Variants in MYT1 observed in about 807,000 individuals in gnomAD.
MYT1 encodes myelin transcription factor 1.
A neutral mutation model predicts 123.0 loss-of-function variants in MYT1; 23 were observed. That is an observed-to-expected ratio of 0.19 (90% confidence interval 0.13 to 0.26). The LOEUF (loss-of-function observed/expected upper bound fraction) is 0.26. Among genes scored for constraint, MYT1 ranks in the 10% least tolerant of loss-of-function variants. The pLI is 1.00. For missense variants in MYT1, 1,125 were observed against 1,472.5 expected (o/e 0.76, Z 3.86); for synonymous variants, 518 against 575.3 (o/e 0.90, Z 1.43).
intron 1 of MYT1, among the ~76,000 whole-genome samples, chr20:64,181,306 C>G (rs1982646008): frequency 6.6e-6 from 1 of 151,926 alleles, no homozygotes; most frequent in Non-Finnish European, 1.5e-5. Context: ...ATTTAACTTA[C>G]ACTTTTCCTT....
Position 64,212,142 on chromosome 20 carries a change from C to T in MYT1, c.1517+4C>T. On this transcript the variant is annotated splice_donor_region_variant and intron_variant, in intron 9 of 22. Coordinates refer to ENST00000328439, the MANE Select transcript of MYT1 (RefSeq NM_004535.3). The surrounding 1 kb of genome is among the most constrained non-coding windows in gnomAD (Gnocchi z 6.8). ...GCAACCGCAACACGCACAGAAGGTA[C>T]TTGGACTGAGCTGGGCCGTAGTGGG... 1 of 1,598,386 alleles carries T rather than the reference C, an allele frequency of 6.3e-7. No homozygotes were observed. Among genetic ancestry groups the T allele is most frequent in the Non-Finnish European group, 8.5e-7 (1 of 1,171,352 alleles).
At position 64,203,694 on chromosome 20, in the gene MYT1, C is replaced by T. The variant is rs1402608868; in HGVS notation, c.87-1341C>T. Among the ~76,000 whole-genome samples the T allele has an allele frequency of 1.3e-5, 2 of 152,242 alleles. No individual in the cohort carries two copies. Among genetic ancestry groups the T allele is most frequent in the Admixed American group, 1.3e-4 (2 of 15,286 alleles). ...CAGGGGATAGGGTAAGGCCTGGATT[C>T]TGCTGACGGTTCTCCCAGAGGTAGT... On this transcript the variant is annotated intron_variant, in intron 4 of 22. Coordinates refer to ENST00000328439, the MANE Select transcript of MYT1 (RefSeq NM_004535.3). The surrounding 1 kb of genome is among the most constrained non-coding windows in gnomAD (Gnocchi z 5.1).
Position 64,213,502 on chromosome 20 carries a change from G to A in MYT1, c.1518-32G>A, listed in dbSNP as rs370500014. 66 of 1,566,566 alleles carry A rather than the reference G, an allele frequency of 4.2e-5. No homozygotes were observed. In the African/African-American group the frequency reaches 6.6e-4, roughly 16 times the overall value. On this transcript the variant is annotated intron_variant, in intron 9 of 22. Transcript: ENST00000328439. The surrounding 1 kb of genome is among the most constrained non-coding windows in gnomAD (Gnocchi z 5.6). ...AGGACAGGACAGGCATGGAGGGGAA[G>A]GCTCAGAAACCCCTCCTCTTCCTTC...
intron 19 of MYT1, among the ~76,000 whole-genome samples, chr20:64,235,576 T>G (rs1449152785): frequency 1.4e-4 from 16 of 110,522 alleles, no homozygotes; most frequent in Admixed American, 2.6e-4. Flanking sequence ...GGTCATGGTG[T>G]GTGACCCGGG....
chr20:64,228,162 A>G (rs1346156604), intron 18 of MYT1, 191 bp downstream of exon 18: 2 of 607,188 alleles, frequency 3.3e-6, no homozygotes, highest in Non-Finnish European at 5.7e-6. Flanking sequence ...ACCTGTGAAG[A>G]TAGGAGCCCT....
At chr20:64,165,201 A>AC (rs1200742611) in intron 1 of MYT1, among the ~76,000 whole-genome samples, 3 of 151,360 alleles carry the variant, frequency 2.0e-5, no homozygotes, top group African/African-American at 7.3e-5. Context: ...GTCATGTGTG[A>AC]CCCCCACCCA....
In MYT1 at chr20:64,223,126, C is replaced by T; in HGVS notation, c.2412C>T (p.Gly804=). Residue 804 remains glycine (G), a synonymous_variant, in exon 15 of 23, where the codon GGC becomes GGT. Coordinates refer to ENST00000328439, the MANE Select transcript of MYT1 (RefSeq NM_004535.3). The part of the protein sequence containing the change: ...KKELLTCPTP[G]CDGSGHITGN... ...CTTTGTCCAGCTGTCCCACCCCTGG[C>T]TGTGACGGCAGCGGCCACATCACCG... The T allele has an allele frequency of 6.2e-7, 1 of 1,614,224 alleles. No individual in the cohort carries two copies. The highest frequency in any genetic ancestry group is 8.5e-7 in the Non-Finnish European group (1 of 1,180,036).
Position 64,213,709 on chromosome 20 carries a change from C to A in MYT1, c.1631+62C>A. The A allele has an allele frequency of 1.5e-6, 2 of 1,333,148 alleles. No individual in the cohort carries two copies. Among genetic ancestry groups the A allele is most frequent in the Non-Finnish European group, 2.1e-6 (2 of 932,510 alleles). 82.6% of individuals were successfully genotyped at this position (1,333,148 alleles called of 1,614,324 possible). On this transcript the variant is annotated intron_variant, in intron 10 of 22. Transcript: ENST00000328439. This position sits in a 1 kb window ranked among gnomAD's most constrained non-coding sequence, Gnocchi z 5.6. The stretch of plus-strand genomic sequence containing the variant: ...TCCCAAATGCCTGCAGAGGGCTTCT[C>A]AGTCTCCCGCAGGCTGTATGTGCAT...
intron 1 of MYT1, among the ~76,000 whole-genome samples, chr20:64,176,363 T>C (rs1485317080): frequency 1.4e-5 from 2 of 147,124 alleles, no homozygotes; most frequent in African/African-American, 5.2e-5. Context: ...TGTAGTTGTG[T>C]CCATTTCCCC....
At chr20:64,223,647 C>A (rs779989582) in intron 16 of MYT1, among the ~76,000 whole-genome samples, 20 of 152,124 alleles carry the variant, frequency 1.3e-4, no homozygotes, top group Non-Finnish European at 2.6e-4. Flanking sequence ...CACCCTCCAG[C>A]CTCTCCTGAA....
rs766732552 is a variant in MYT1, at chr20:64,205,069, G to C, written c.121G>C (p.Val41Leu). The part of the protein sequence containing the change: ...PTPGCTGSGH[V>L]RGKYSRHRSL... The stretch of plus-strand genomic sequence containing the variant: ...CCCAGGATGCACAGGCTCAGGGCAC[G>C]TCCGGGGCAAGTACTCCAGGCACCG... The change falls in exon 5 of 23, where the codon GTC (valine) becomes CTC (leucine). Residue 41 changes from valine (V) to leucine (L), a missense_variant. Coordinates refer to ENST00000328439, the MANE Select transcript of MYT1 (RefSeq NM_004535.3). The C allele has an allele frequency of 1.9e-6, 3 of 1,614,046 alleles. No individual in the cohort carries two copies. In the South Asian group the frequency reaches 3.3e-5, roughly 18 times the overall value.
chr20:64,220,687 C>G (rs985158720), intron 13 of MYT1, among the ~76,000 whole-genome samples: 17 of 152,232 alleles, frequency 1.1e-4, no homozygotes, highest in Admixed American at 3.3e-4. Context: ...CTAGCAGGCC[C>G]CTCTCCCTCT....
Position 64,213,795 on chromosome 20 carries a change from A to ACGTG in MYT1, c.1631+149_1631+150insGTGC. ...TGAGTGTACGTGCATGTGAGTGTGCACATGCCCCGGGCCCCCCAGGAGCAG... is the reference window on the plus strand; with the variant it reads ...TGAGTGTACGTGCATGTGAGTGTGCACGTGCATGCCCCGGGCCCCCCAGGAGCAG... On this transcript the variant is annotated intron_variant, in intron 10 of 22. Coordinates refer to ENST00000328439, the MANE Select transcript of MYT1 (RefSeq NM_004535.3). The surrounding 1 kb of genome is among the most constrained non-coding windows in gnomAD (Gnocchi z 5.6). The ACGTG allele has an allele frequency of 1.4e-6, 1 of 700,898 alleles. No individual in the cohort carries two copies. The highest frequency in any genetic ancestry group is 2.4e-6 in the Non-Finnish European group (1 of 415,614). 43.4% of individuals were successfully genotyped at this position (700,898 alleles called of 1,614,324 possible). A position where few individuals can be genotyped will look rare whatever the true frequency, so the allele number is the denominator to read the frequency against.
chr20:64,226,903 C>T (rs1189922060), intron 16 of MYT1, among the ~76,000 whole-genome samples: 1 of 152,392 alleles, frequency 6.6e-6, no homozygotes, highest in East Asian at 1.9e-4. Context: ...GGCCTCTGTT[C>T]ATTTACCAGC....
At chr20:64,180,812 C>CCA (rs1272189769) in intron 1 of MYT1, among the ~76,000 whole-genome samples, 1 of 152,220 alleles carries the variant, frequency 6.6e-6, no homozygotes, top group East Asian at 1.9e-4. Flanking sequence ...AAACAGTTTA[C>CCA]CAGTGTTATG....
chr20:64,236,284 C>CCGCGGTGGGTGACCCTGGGA (rs1984538864), intron 19 of MYT1, among the ~76,000 whole-genome samples: 1 of 120,312 alleles, frequency 8.3e-6, no homozygotes, highest in African/African-American at 3.3e-5. Context: ...TGACCCGGGG[C>CCGCGGTGGGTGACCCTGGGA]TGGCCGCGGT....
chr20:64,198,261 T>TG (rs1983187472), intron 2 of MYT1, among the ~76,000 whole-genome samples: 1 of 115,670 alleles, frequency 8.6e-6, no homozygotes, highest in African/African-American at 3.4e-5. Flanking sequence ...CACTCCAGCC[T>TG]GGGCGACAGA....
intron 16 of MYT1, among the ~76,000 whole-genome samples, chr20:64,224,714 C>G (rs565656512): frequency 6.6e-6 from 1 of 152,356 alleles, no homozygotes; most frequent in South Asian, 2.1e-4. Context: ...TTTCCTTCTT[C>G]TCTTGCCATC....
intron 1 of MYT1, among the ~76,000 whole-genome samples, chr20:64,170,838 A>C (rs1383433325): frequency 1.3e-4 from 16 of 124,664 alleles, no homozygotes; most frequent in African/African-American, 4.8e-4. Context: ...ACACAGATAG[A>C]CAAATTGGTC....
Sources: gnomAD v4.1 joint callset for allele counts (sites outside exome capture counted in the v4.1 genomes callset) on GRCh38, gnomAD v4.1.1 for gene constraint, Gnocchi (gnomAD v3.1) non-coding constraint, MANE v1.5 for transcripts, NCBI Gene and HGNC (gene_info 2026-07-23, HGNC 2026-07-21) for gene names.